Variants in BPI observed in about 807,000 individuals in gnomAD.
BPI encodes bactericidal permeability increasing protein.
Under a neutral mutation model 57.6 loss-of-function variants are expected in BPI, and 48 were observed. The observed-to-expected ratio is 0.83, with a 90% CI of 0.66 to 1.06. The LOEUF is 1.06. Ranked by LOEUF, BPI falls within the 50% of genes least tolerant of loss-of-function variation. The pLI, the probability that BPI is intolerant of heterozygous loss-of-function variation, is 0.00. For synonymous variants in BPI, 237 were observed against 238.2 expected (o/e 0.99, Z 0.05); for missense variants, 651 against 609.7 (o/e 1.07, Z -0.71).
At chr20:38,325,693 C>A (rs1226274776) in intron 9 of BPI, among the ~76,000 whole-genome samples, 1 of 152,110 alleles carries the variant, frequency 6.6e-6, no homozygotes, top group East Asian at 1.9e-4. Flanking sequence ...GGTGGTGAAA[C>A]CCCAGAAATT....
At chr20:38,334,820 G>T (rs944684334) in intron 13 of BPI, among the ~76,000 whole-genome samples, 1 of 152,186 alleles carries the variant, frequency 6.6e-6, no homozygotes. Context: ...GAGCAGGCAA[G>T]AGATGGGGCA....
At chr20:38,330,936 G>A in intron 11 of BPI, 112 bp from the exon 12 acceptor site, 2 of 1,254,482 alleles carry the variant, frequency 1.6e-6, no homozygotes, top group South Asian at 1.3e-5. Flanking sequence ...AGTGGATACT[G>A]GGTGGGAAAA....
intron 7 of BPI, among the ~76,000 whole-genome samples, chr20:38,320,742 C>T (rs2076677719): frequency 1.3e-5 from 2 of 151,068 alleles, no homozygotes; most frequent in African/African-American, 4.9e-5. Context: ...GGAGAAGGGG[C>T]TGCGACTATT....
chr20:38,335,646 T>C lies in BPI; in HGVS notation c.1385T>C (p.Leu462Pro), dbSNP rs2076763781. The stretch of plus-strand genomic sequence containing the variant: ...CTCCCGACGCCGGCCAGAGTCCAGC[T>C]CTACAACGTAGTGCTTCAGCCTCAC... ...FPLPTPARVQ[L>P]YNVVLQPHQN... Residue 462 changes from leucine (L) to proline (P), a missense_variant, in exon 14 of 15, where the codon CTC becomes CCC. By Grantham distance (98) the Leu-to-Pro change is moderately conservative. Coordinates refer to ENST00000642449, the MANE Select transcript of BPI (RefSeq NM_001725.3). The C allele has an allele frequency of 6.2e-7, 1 of 1,614,040 alleles. No homozygotes were observed. Among genetic ancestry groups the C allele is most frequent in the African/African-American group, 1.3e-5 (1 of 74,928 alleles).
At chr20:38,336,763 T>C (rs778743822) in intron 14 of BPI, among the ~76,000 whole-genome samples, 3 of 152,140 alleles carry the variant, frequency 2.0e-5, no homozygotes, top group Non-Finnish European at 2.9e-5. Context: ...CATGGCACAA[T>C]TTAATTTCTT....
chr20:38,314,980 T>G (rs866473775), intron 5 of BPI, among the ~76,000 whole-genome samples: 2 of 151,550 alleles, frequency 1.3e-5, no homozygotes, highest in Admixed American at 1.3e-4. Context: ...TCCTGGGAAG[T>G]TTCAATGGTG....
intron 11 of BPI, 125 bp from the exon 12 acceptor site, chr20:38,330,923 G>A: frequency 9.3e-7 from 1 of 1,071,660 alleles, no homozygotes; most frequent in Non-Finnish European, 1.4e-6. Context: ...CCCGTGGAAG[G>A]GGAGTGGATA....
intron 11 of BPI, among the ~76,000 whole-genome samples, chr20:38,330,351 T>C (rs1296512773): frequency 4.6e-5 from 7 of 152,230 alleles, no homozygotes; most frequent in Admixed American, 4.6e-4. Flanking sequence ...ATGAGAGTAA[T>C]GGCCCTTGCC....
At position 38,326,429 on chromosome 20, in the gene BPI, C is replaced by A. The variant is rs772739561; in HGVS notation, c.1158C>A (p.Gly386=). Residue 386 remains glycine (G), a synonymous_variant, in exon 10 of 15, where the codon GGC becomes GGA. Transcript: ENST00000642449. ...NSSLASLFLI[G]MHTTGSMEVS... The stretch of plus-strand genomic sequence containing the variant: ...CCCTGGCTTCCCTCTTCCTGATTGG[C>A]ATGGTAAGCAGTTCCTGGGTTGGAC... 6.2e-7 allele frequency: 1 copy of A among 1,612,536 alleles called. No individual in the cohort carries two copies. The highest frequency in any genetic ancestry group is 2.2e-5 in the East Asian group (1 of 44,828).
chr20:38,326,531 A>G, intron 10 of BPI, 99 bp downstream of exon 10: 1 of 1,368,302 alleles, frequency 7.3e-7, no homozygotes, highest in Non-Finnish European at 9.7e-7. Context: ...CTGGATTCAA[A>G]CCTGGACTGT....
chr20:38,320,476 C>A (rs1018521733), intron 7 of BPI, among the ~76,000 whole-genome samples: 1 of 151,992 alleles, frequency 6.6e-6, no homozygotes, highest in Non-Finnish European at 1.5e-5. Context: ...CCTGCCCCAC[C>A]CCCCTCCAAA....
chr20:38,310,753 C>T, intron 4 of BPI, 101 bp downstream of exon 4: 2 of 1,464,904 alleles, frequency 1.4e-6, no homozygotes. Context: ...CACCTGCATG[C>T]CAGGCCTTGC....
At chr20:38,335,922 T>C (rs567477769) in intron 14 of BPI, among the ~76,000 whole-genome samples, 1 of 152,330 alleles carries the variant, frequency 6.6e-6, no homozygotes, top group South Asian at 2.1e-4. Context: ...GTTCCCACGC[T>C]ACACTCGGCA....
At chr20:38,336,577 C>T (rs2076768540) in intron 14 of BPI, among the ~76,000 whole-genome samples, 1 of 151,956 alleles carries the variant, frequency 6.6e-6, no homozygotes, top group African/African-American at 2.4e-5. Flanking sequence ...CTCGCATCAC[C>T]CAGATCCCTC....
At position 38,318,412 on chromosome 20, in the gene BPI, G is replaced by A; in HGVS notation, c.601-1G>A. ...CTGATTACTTGTTTGGTTCTCCCCAGGTCTGCGAGAAAGTGACCAATTCTG... is the reference window on the plus strand; with the variant it reads ...CTGATTACTTGTTTGGTTCTCCCCAAGTCTGCGAGAAAGTGACCAATTCTG... On this transcript the variant is annotated splice_acceptor_variant, in intron 5 of 14. Coordinates refer to ENST00000642449, the MANE Select transcript of BPI (RefSeq NM_001725.3). LOFTEE classifies it high-confidence loss of function. 1 of 1,613,062 alleles carries A rather than the reference G, an allele frequency of 6.2e-7. No homozygotes were observed. Among genetic ancestry groups the A allele is most frequent in the South Asian group, 1.1e-5 (1 of 91,046 alleles).
chr20:38,310,348 G>A lies in BPI; in HGVS notation c.375-143G>A. The A allele has an allele frequency of 4.0e-6, 4 of 992,176 alleles. No homozygotes were observed. In the South Asian group the frequency reaches 6.9e-5, roughly 17 times the overall value. The allele number at this position is 992,176 out of a possible 1,614,324, so 61.5% of individuals were successfully genotyped here. ...TCCCATTCGGCTGCTATGTGATCTT[G>A]GGCAAGCTGCCTCTTCTCTCTGAAC... On this transcript the variant is annotated intron_variant, in intron 3 of 14. Coordinates refer to ENST00000642449, the MANE Select transcript of BPI (RefSeq NM_001725.3).
chr20:38,311,979 G>A (rs1399118675), intron 5 of BPI, 42 bp downstream of exon 5: 2 of 1,592,558 alleles, frequency 1.3e-6, no homozygotes, highest in African/African-American at 1.3e-5. Flanking sequence ...AGAGGAGAAG[G>A]GCCCTTAGTA....
At chr20:38,318,903 C>T (rs1330163496) in intron 6 of BPI, among the ~76,000 whole-genome samples, 1 of 152,164 alleles carries the variant, frequency 6.6e-6, no homozygotes, top group Admixed American at 6.5e-5. Context: ...CCGCTCTCAG[C>T]CTCCCAACAC....
At chr20:38,324,738 C>CA in intron 8 of BPI, 36 bp from the exon 9 acceptor site, 1 of 1,557,782 alleles carries the variant, frequency 6.4e-7, no homozygotes, top group African/African-American at 1.4e-5. Context: ...TCTGTAACAG[C>CA]ATCCTCCGAG....
Sources: allele counts gnomAD v4.1 joint callset (sites outside exome capture counted in the v4.1 genomes callset), GRCh38; gene constraint gnomAD v4.1.1; transcripts MANE v1.5; gene names NCBI Gene and HGNC (gene_info 2026-07-23, HGNC 2026-07-21).